The following ENOX1 variants were observed in gnomAD, a reference collection of about 807,000 sequenced individuals.
ENOX1 encodes ecto-NOX disulfide-thiol exchanger 1.
ENOX1 carries 42 observed loss-of-function variants against 82.5 expected under a neutral mutation model. The ratio of observed to expected loss-of-function variants is 0.51; its 90% CI spans 0.40 to 0.66. The LOEUF is 0.66. ENOX1 is among the 30% of genes least tolerant of loss of function. The probability of loss-of-function intolerance (pLI) is 0.00; values close to 1 mark genes in which losing one functional copy is unlikely to be tolerated. For missense variants in ENOX1, 608 were observed against 811.6 expected (o/e 0.75, Z 3.05); for synonymous variants, 271 against 282.2 (o/e 0.96, Z 0.40).
chr13:43,543,621 C>T lies in ENOX1; in HGVS notation c.-218-59469G>A, dbSNP rs1453593342. Among the ~76,000 whole-genome samples, 3 of 150,344 alleles carry T rather than the reference C, an allele frequency of 2.0e-5. No individual in the cohort carries two copies. The East Asian group carries it at 5.8e-4, about 29-fold the overall frequency. The stretch of plus-strand genomic sequence containing the variant: ...TTACTTGTGTTTTATGCCTTTAGAA[C>T]AAAATAGTAAGTTTTTTCTTTATTT... On this transcript the variant is annotated intron_variant, in intron 2 of 16. Coordinates refer to ENST00000690772, the MANE Select transcript of ENOX1 (RefSeq NM_001347969.2).
intron 1 of ENOX1, among the ~76,000 whole-genome samples, chr13:43,683,856 T>C (rs986984258): frequency 6.6e-6 from 1 of 152,088 alleles, no homozygotes; most frequent in African/African-American, 2.4e-5. Flanking sequence ...TATTTAGACA[T>C]GGTTCTGTGT....
At chr13:43,515,706 T>C (rs747255520) in intron 2 of ENOX1, among the ~76,000 whole-genome samples, 3 of 152,184 alleles carry the variant, frequency 2.0e-5, no homozygotes, top group Admixed American at 1.3e-4. Flanking sequence ...ATGCTAGTGC[T>C]ACAGCTTCAA....
intron 3 of ENOX1, chr13:43,458,415 A>G (rs1331557723): frequency 6.6e-6 from 1 of 152,238 alleles, no homozygotes; most frequent in African/African-American, 2.4e-5. Context: ...GTCTAAAAGT[A>G]CATCTTTTCC....
chr13:43,513,770 TAAAAAAGGAG>T (rs1460369170), intron 2 of ENOX1, among the ~76,000 whole-genome samples: 3 of 151,956 alleles, frequency 2.0e-5, no homozygotes, highest in Non-Finnish European at 2.9e-5. Flanking sequence ...TTAAAATCAA[TAAAAAAGGAG>T]AAAAATCATA....
intron 2 of ENOX1, among the ~76,000 whole-genome samples, chr13:43,493,847 C>T (rs716529): frequency 0.37 from 55,771 of 152,042 alleles, 12,223 homozygotes; most frequent in Non-Finnish European, 0.5. Flanking sequence ...CTACAAAGAA[C>T]TGCTCGAGGC....
At chr13:43,299,009 T>C (rs2046425315) in intron 11 of ENOX1, among the ~76,000 whole-genome samples, 1 of 152,096 alleles carries the variant, frequency 6.6e-6, no homozygotes, top group Non-Finnish European at 1.5e-5. Context: ...AGAGAGGAAA[T>C]TATATGCACA....
chr13:43,350,018 G>A (rs1046012768), intron 8 of ENOX1, among the ~76,000 whole-genome samples: 1 of 152,188 alleles, frequency 6.6e-6, no homozygotes, highest in African/African-American at 2.4e-5. Flanking sequence ...ATTCTACAGG[G>A]GGTGGGAAAC....
chr13:43,659,469 G>A (rs534413781), intron 2 of ENOX1, among the ~76,000 whole-genome samples: 7 of 151,522 alleles, frequency 4.6e-5, no homozygotes, highest in African/African-American at 1.2e-4. Flanking sequence ...CAGCCTGGAC[G>A]ACAGAGTGAA....
Position 43,256,666 on chromosome 13 carries a change from G to A in ENOX1, c.1611+8732C>T, listed in dbSNP as rs571157416. On this transcript the variant is annotated intron_variant, in intron 14 of 16. Transcript: ENST00000690772. ...ATCAAAAAGACAAAAAATAATGGAT[G>A]GCAGTAAGGATTTGAAGAAAGGGGA... 2.0e-5 allele frequency among the ~76,000 whole-genome samples: 3 copies of A among 152,220 alleles called. No homozygotes were observed. The South Asian group carries it at 6.2e-4, about 32-fold the overall frequency.
At chr13:43,533,828 G>A (rs753891723) in intron 2 of ENOX1, among the ~76,000 whole-genome samples, 1 of 152,084 alleles carries the variant, frequency 6.6e-6, no homozygotes, top group Admixed American at 6.6e-5. Context: ...TCCCTAAAAT[G>A]TATTCTGAAG....
At chr13:43,240,100 G>A (rs9285151) in intron 14 of ENOX1, among the ~76,000 whole-genome samples, 75,411 of 151,972 alleles carry the variant, frequency 0.5, 20,576 homozygotes, top group Non-Finnish European at 0.62. Flanking sequence ...TGGTTAAGGC[G>A]AAGGGAATAC....
chr13:43,247,978 C>T (rs1412748586), intron 14 of ENOX1, among the ~76,000 whole-genome samples: 5 of 136,880 alleles, frequency 3.7e-5, no homozygotes, highest in Admixed American at 1.5e-4. Context: ...CTCCGCCTCC[C>T]GGGTTCACGC....
At chr13:43,677,882 T>G (rs2085589328) in intron 1 of ENOX1, among the ~76,000 whole-genome samples, 2 of 152,174 alleles carry the variant, frequency 1.3e-5, no homozygotes, top group African/African-American at 4.8e-5. Context: ...TTATTTTTAT[T>G]TATTTTTAGG....
chr13:43,365,632 T>C (rs149372716), intron 5 of ENOX1, among the ~76,000 whole-genome samples: 13 of 152,288 alleles, frequency 8.5e-5, no homozygotes, highest in African/African-American at 2.2e-4. Flanking sequence ...ACTAGGCCAA[T>C]TGGCAGGTTA....
intron 3 of ENOX1, among the ~76,000 whole-genome samples, chr13:43,439,240 C>CT (rs1289741598): frequency 3.3e-4 from 48 of 145,746 alleles, no homozygotes; most frequent in East Asian, 7.9e-4. Context: ...TTTTTTTTCA[C>CT]TTTTTTTTTT....
chr13:43,289,405 G>C (rs11617744), intron 12 of ENOX1, among the ~76,000 whole-genome samples: 1 of 152,050 alleles, frequency 6.6e-6, no homozygotes, highest in African/African-American at 2.4e-5. Flanking sequence ...AGAAAACTGA[G>C]AAACAAAGAT....
At chr13:43,275,961 A>C (rs2045001638) in intron 12 of ENOX1, among the ~76,000 whole-genome samples, 1 of 152,202 alleles carries the variant, frequency 6.6e-6, no homozygotes, top group Non-Finnish European at 1.5e-5. Context: ...CTTGAATCAT[A>C]ACTTGTTCCA....
Position 43,783,676 on chromosome 13 carries a change from T to C in ENOX1, c.-285+2976A>G, listed in dbSNP as rs73463535. 6.9e-3 allele frequency among the ~76,000 whole-genome samples: 1,047 copies of C among 152,286 alleles called. 14 individuals are homozygous for C. Among genetic ancestry groups the C allele is most frequent in the African/African-American group, 0.024 (1,016 of 41,546 alleles). The stretch of plus-strand genomic sequence containing the variant: ...GAGCACCTGGCAGCAGCAGAAAATT[T>C]GCTTACGATGTTTAATGAGTGAAAA... On this transcript the variant is annotated intron_variant, in intron 1 of 16. Transcript: ENST00000690772.
Position 43,502,584 on chromosome 13 carries a change from A to T in ENOX1, c.-218-18432T>A, listed in dbSNP as rs372525022. ...AAAATCAATCAATGTGATACATCATAGTAACAGAATAAAGGATAAAAATCA... is the reference window on the plus strand; with the variant it reads ...AAAATCAATCAATGTGATACATCATTGTAACAGAATAAAGGATAAAAATCA... On this transcript the variant is annotated intron_variant, in intron 2 of 16. Transcript: ENST00000690772. 2.6e-5 allele frequency among the ~76,000 whole-genome samples: 4 copies of T among 151,908 alleles called. No individual in the cohort carries two copies. The South Asian group carries it at 6.2e-4, about 24-fold the overall frequency.
Sources: allele counts gnomAD v4.1 joint callset (sites outside exome capture counted in the v4.1 genomes callset), GRCh38; gene constraint gnomAD v4.1.1; transcripts MANE v1.5; gene names NCBI Gene and HGNC (gene_info 2026-07-23, HGNC 2026-07-21).